Variants in RBL2 observed in about 807,000 individuals in gnomAD.
RBL2 encodes retinoblastoma-like protein 2.
A neutral mutation model predicts 126.0 loss-of-function variants in RBL2; 56 were observed. The ratio of observed to expected loss-of-function variants is 0.44; its 90% CI spans 0.36 to 0.56. RBL2 has a LOEUF of 0.56. Ranked by LOEUF, RBL2 falls within the 20% of genes least tolerant of loss-of-function variation. RBL2 has a pLI of 0.00. For missense variants in RBL2, 1,229 were observed against 1,398.2 expected (o/e 0.88, Z 1.93); for synonymous variants, 454 against 478.5 (o/e 0.95, Z 0.67).
At chr16:53,479,812 A>G in intron 18 of RBL2, 74 bp from the exon 19 acceptor site, 1 of 953,184 alleles carries the variant, frequency 1.0e-6, no homozygotes, top group Non-Finnish European at 1.6e-6. Flanking sequence ...CAAGTAACAT[A>G]TGTGAAGGTC....
chr16:53,457,895 T>C (rs561218039), intron 8 of RBL2, among the ~76,000 whole-genome samples: 16 of 152,314 alleles, frequency 1.1e-4, no homozygotes, highest in African/African-American at 3.4e-4. Flanking sequence ...GATGTGGTTA[T>C]ATGCTGCTGG....
At chr16:53,479,615 CT>C in intron 18 of RBL2, 2 of 460,582 alleles carry the variant, frequency 4.3e-6, no homozygotes, top group Non-Finnish European at 7.7e-6. Flanking sequence ...TCGGCCAGAT[CT>C]GTGTATCTTA....
chr16:53,470,495 T>C lies in RBL2; in HGVS notation c.2358T>C (p.Ala786=), dbSNP rs181561085. 9.0e-5 allele frequency: 145 copies of C among 1,614,170 alleles called. No homozygotes were observed. The highest frequency in any genetic ancestry group is 6.6e-4 in the Middle Eastern group (4 of 6,062). The change falls in exon 16 of 22, where the codon GCT becomes GCC. Residue 786 remains alanine (A), a synonymous_variant. Coordinates refer to ENST00000262133, the MANE Select transcript of RBL2 (RefSeq NM_005611.4). ...AGCCCCTCAGTGCTCAGGCCCTGGC[T>C]GGAAGTCTGAGCTCTCAACAGGTGA... is the stretch of plus-strand genomic sequence containing the variant. ...SIQPLSAQAL[A]GSLSSQQVTG...
At chr16:53,449,032 CTTTT>C (rs1207889550) in intron 4 of RBL2, 3 of 152,164 alleles carry the variant, frequency 2.0e-5, no homozygotes, top group East Asian at 3.8e-4. Context: ...AAAAATCTTT[CTTTT>C]GTCATACATG....
At chr16:53,451,971 T>A (rs1294719764) in intron 5 of RBL2, 140 bp downstream of exon 5, 7 of 919,948 alleles carry the variant, frequency 7.6e-6, no homozygotes, top group Non-Finnish European at 1.1e-5. Flanking sequence ...TAACTAAGAG[T>A]CAAGCTGCCT....
rs201114577 is a variant in RBL2, at chr16:53,480,146, G to A, written c.2881+155G>A. The A allele has an allele frequency of 9.9e-5, 59 of 594,282 alleles. No individual in the cohort carries two copies. The East Asian group carries it at 1.7e-3, about 17-fold the overall frequency. 36.8% of individuals were successfully genotyped at this position (594,282 alleles called of 1,614,324 possible). A position where few individuals can be genotyped will look rare whatever the true frequency, so the allele number is the denominator to read the frequency against. On this transcript the variant is annotated intron_variant, in intron 19 of 21. Transcript: ENST00000262133. Reference sequence around the variant, plus strand: ...AAACCATATTCTAGCTGGCAAAACTGTCCATTACATAGCTTTGGGGCACAT... The same window carrying A: ...AAACCATATTCTAGCTGGCAAAACTATCCATTACATAGCTTTGGGGCACAT...
chr16:53,465,047 C>T (rs1021756144), intron 12 of RBL2, among the ~76,000 whole-genome samples: 1 of 152,178 alleles, frequency 6.6e-6, no homozygotes, highest in Non-Finnish European at 1.5e-5. Flanking sequence ...CCCGCCACGG[C>T]CCCCCAGAGT....
At chr16:53,456,126 T>C (rs542877960) in intron 8 of RBL2, among the ~76,000 whole-genome samples, 108 of 152,054 alleles carry the variant, frequency 7.1e-4, no homozygotes, top group African/African-American at 2.5e-3. Context: ...CAGTGAGCCG[T>C]GATCGCGTCA....
At chr16:53,436,169 G>GT (rs2057956879) in intron 1 of RBL2, among the ~76,000 whole-genome samples, 1 of 151,744 alleles carries the variant, frequency 6.6e-6, no homozygotes, top group Non-Finnish European at 1.5e-5. Flanking sequence ...GTTGTTTTTT[G>GT]TTTTTTGGGT....
chr16:53,434,761 A>G lies in RBL2; in HGVS notation c.205A>G (p.Ser69Gly), dbSNP rs1263271212. Residue 69 changes from serine (S) to glycine (G), a missense_variant, in exon 1 of 22, where the codon AGC becomes GGC. This residue lies in a region of RBL2 where 159 missense variants were observed against 123.9 expected (regional missense o/e 1.28). Coordinates refer to ENST00000262133, the MANE Select transcript of RBL2 (RefSeq NM_005611.4). The part of the protein sequence containing the change: ...DEAARAEAWD[S>G]YRSMSESYTL... ...GGCGGCGCGGGCCGAGGCCTGGGAC[A>G]GCTACCGCAGCATGAGCGAAAGCTA... The G allele has an allele frequency of 6.5e-7, 1 of 1,533,372 alleles. No homozygotes were observed. Among genetic ancestry groups the G allele is most frequent in the African/African-American group, 1.4e-5 (1 of 72,320 alleles). 95.0% of individuals were successfully genotyped at this position (1,533,372 alleles called of 1,614,324 possible).
chr16:53,475,704 T>G (rs1023196115), intron 17 of RBL2, among the ~76,000 whole-genome samples: 4 of 152,074 alleles, frequency 2.6e-5, no homozygotes, highest in Non-Finnish European at 5.9e-5. Context: ...TGCCCTTTTC[T>G]GTTGTTTTAA....
intron 7 of RBL2, 88 bp downstream of exon 7, chr16:53,453,857 G>A: frequency 8.6e-7 from 1 of 1,158,522 alleles, no homozygotes; most frequent in African/African-American, 1.6e-5. Flanking sequence ...TTTGTACTCT[G>A]GAAACTGAGA....
In RBL2 at chr16:53,434,529, C is replaced by G. The variant is rs771071137; in HGVS notation, c.-28C>G. 2.1e-6 allele frequency: 3 copies of G among 1,427,742 alleles called. No homozygotes were observed. The highest frequency in any genetic ancestry group is 2.8e-5 in the East Asian group (1 of 35,658). 88.4% of individuals were successfully genotyped at this position (1,427,742 alleles called of 1,614,324 possible). A position where few individuals can be genotyped will look rare whatever the true frequency, so the allele number is the denominator to read the frequency against. On this transcript the variant is annotated 5_prime_UTR_variant, in exon 1 of 22. Transcript: ENST00000262133. ...CTGCGGGCCCGGGCCCTCACCTCAC[C>G]TGAGGTCCGGCCGCCCAGGGGTGCG...
At position 53,470,574 on chromosome 16, in the gene RBL2, G is replaced by A; in HGVS notation, c.2437G>A (p.Gly813Ser). The A allele has an allele frequency of 6.2e-7, 1 of 1,614,160 alleles. No homozygotes were observed. The highest frequency in any genetic ancestry group is 8.5e-7 in the Non-Finnish European group (1 of 1,180,032). Residue 813 changes from glycine to serine, a missense_variant, in exon 16 of 22, where the codon GGT becomes AGT. Gly to Ser is a moderately conservative substitution (Grantham distance 56, BLOSUM62 0). Around this residue, in one of 2 missense-constraint regions of RBL2, gnomAD observed 1,070 missense variants for 1,274.3 expected, o/e 0.84. Transcript: ENST00000262133. ...AGTGGCCATTCAACAGATTTCCCCAGGTGGCCAACAGCAGAAGCAAGGCCA... is the reference window on the plus strand; with the variant it reads ...AGTGGCCATTCAACAGATTTCCCCAAGTGGCCAACAGCAGAAGCAAGGCCA... ...GQVAIQQISP[G>S]GQQQKQGQSV... is the part of the protein sequence containing the mutation.
chr16:53,464,406 G>A (rs2058252172), intron 12 of RBL2, 43 bp downstream of exon 12: 7 of 1,457,784 alleles, frequency 4.8e-6, no homozygotes, highest in African/African-American at 1.4e-5. Flanking sequence ...TTGTAGATGA[G>A]ACCAACTTCC....
chr16:53,440,994 C>G (rs1221099092), intron 2 of RBL2, among the ~76,000 whole-genome samples: 15 of 119,602 alleles, frequency 1.3e-4, no homozygotes, highest in African/African-American at 4.2e-4. Context: ...GAGTCTCACT[C>G]TGCTGCCCAG....
At chr16:53,469,346 C>T (rs1180621056) in intron 14 of RBL2, among the ~76,000 whole-genome samples, 2 of 152,172 alleles carry the variant, frequency 1.3e-5, no homozygotes, top group Non-Finnish European at 1.5e-5. Context: ...TAACTGAATC[C>T]AAATCATGCA....
Position 53,467,075 on chromosome 16 carries a change from C to A in RBL2, c.1881C>A (p.Asn627Lys). 1.2e-6 allele frequency: 2 copies of A among 1,613,800 alleles called. No individual in the cohort carries two copies. The highest frequency in any genetic ancestry group is 1.7e-6 in the Non-Finnish European group (2 of 1,179,868). ...PTCEEVMPPQ[N>K]LERADEICIA... ...CTTCATAGGTCATGCCACCTCAGAA[C>A]CTGGAAAGGGCAGATGAAATTTGCA... Residue 627 changes from asparagine (N) to lysine (K), a missense_variant, in exon 14 of 22, where the codon AAC becomes AAA. Around this residue, in one of 2 missense-constraint regions of RBL2, gnomAD observed 1,070 missense variants for 1,274.3 expected, o/e 0.84. Transcript: ENST00000262133.
intron 1 of RBL2, among the ~76,000 whole-genome samples, chr16:53,437,971 G>A (rs1053306778): frequency 4.6e-5 from 7 of 152,006 alleles, no homozygotes; most frequent in Non-Finnish European, 1.0e-4. Context: ...AGCTTGGAGT[G>A]AGCCAAGATG....
Sources: allele counts gnomAD v4.1 joint callset (sites outside exome capture counted in the v4.1 genomes callset), GRCh38; gene constraint gnomAD v4.1.1; regional missense constraint gnomAD v4.1.1; transcripts MANE v1.5; gene names NCBI Gene and HGNC (gene_info 2026-07-23, HGNC 2026-07-21).